Variants in SEZ6L observed in about 807,000 individuals in gnomAD.
The protein encoded by SEZ6L is seizure related 6 homolog like.
Under a neutral mutation model 106.2 loss-of-function variants are expected in SEZ6L, and 37 were observed. The ratio of observed to expected loss-of-function variants is 0.35; its 90% confidence interval spans 0.27 to 0.46. SEZ6L has a LOEUF of 0.46. Among genes scored for constraint, SEZ6L ranks in the 20% least tolerant of loss-of-function variants. SEZ6L has a pLI of 1.00. For synonymous variants in SEZ6L, 541 were observed against 570.4 expected (o/e 0.95, Z 0.73); for missense variants, 1,172 against 1,332.8 (o/e 0.88, Z 1.88).
chr22:26,312,606 A>G (rs1240904192), intron 8 of SEZ6L, among the ~76,000 whole-genome samples: 2 of 152,038 alleles, frequency 1.3e-5, no homozygotes, highest in African/African-American at 2.4e-5. Context: ...CAGTTTCCCC[A>G]TATTCTTTTT....
chr22:26,244,281 C>T (rs2079249306), intron 1 of SEZ6L: 1 of 152,176 alleles, frequency 6.6e-6, no homozygotes, highest in South Asian at 2.1e-4. Flanking sequence ...ATTTGAGAAG[C>T]CCTGAAATCA....
At chr22:26,354,994 GT>G (rs1405705885) in intron 12 of SEZ6L, among the ~76,000 whole-genome samples, 1 of 152,260 alleles carries the variant, frequency 6.6e-6, no homozygotes, top group Non-Finnish European at 1.5e-5. Flanking sequence ...GCGAGAGATG[GT>G]CCGATTCTGG....
In SEZ6L at chr22:26,244,711, T is replaced by A. The variant is rs190841714; in HGVS notation, c.95-47695T>A. On this transcript the variant is annotated intron_variant, in intron 1 of 16. Coordinates refer to ENST00000248933, the MANE Select transcript of SEZ6L (RefSeq NM_021115.5). The stretch of plus-strand genomic sequence containing the variant: ...AAGGCTATGTTGAGGGTAGGAAAAG[T>A]TGGCACTTTTTATTCCTCCCTTCTT... 2.8e-5 allele frequency: 4 copies of A among 142,768 alleles called. No individual in the cohort carries two copies. In the Admixed American group the frequency reaches 2.9e-4, roughly 10 times the overall value. 8.8% of individuals were successfully genotyped at this position (142,768 alleles called of 1,614,324 possible).
At chr22:26,191,892 T>A (rs1268260476) in intron 1 of SEZ6L, among the ~76,000 whole-genome samples, 6 of 152,182 alleles carry the variant, frequency 3.9e-5, no homozygotes, top group African/African-American at 1.4e-4. Context: ...TGATTGTGAC[T>A]AAATTTAAAT....
chr22:26,305,908 C>T (rs908915697), intron 5 of SEZ6L, 71 bp from the exon 6 acceptor site: 2 of 1,415,920 alleles, frequency 1.4e-6, no homozygotes, highest in African/African-American at 1.4e-5. Context: ...CTCTCTCTTT[C>T]TCTCTGTCTC....
At chr22:26,180,045 T>A (rs1939286540) in intron 1 of SEZ6L, among the ~76,000 whole-genome samples, 2 of 152,150 alleles carry the variant, frequency 1.3e-5, no homozygotes, top group African/African-American at 2.4e-5. Context: ...AGAGCACAAA[T>A]GATTTCTGCC....
Position 26,292,839 on chromosome 22 carries a change from C to T in SEZ6L, c.528C>T (p.Ser176=), listed in dbSNP as rs371054914. 1.4e-5 allele frequency: 23 copies of T among 1,613,938 alleles called. No homozygotes were observed. The African/African-American group carries it at 1.9e-4, about 13-fold the overall frequency. Residue 176 remains serine, a synonymous_variant, in exon 2 of 17, where the codon TCC becomes TCT. Coordinates refer to ENST00000248933, the MANE Select transcript of SEZ6L (RefSeq NM_021115.5). The part of the protein sequence containing the change: ...PPGDPDPIVA[S]EEASEVPLWL... ...GGGACCCGGACCCCATCGTGGCCTC[C>T]GAGGAGGCATCAGAAGTGCCCCTTT... is the stretch of plus-strand genomic sequence containing the variant.
At chr22:26,335,026 G>T (rs2082602584) in intron 9 of SEZ6L, among the ~76,000 whole-genome samples, 1 of 152,164 alleles carries the variant, frequency 6.6e-6, no homozygotes, top group South Asian at 2.1e-4. Flanking sequence ...ACCACACTCT[G>T]CCCTGTGGCT....
Position 26,346,340 on chromosome 22 carries a change from C to T in SEZ6L, c.2213-1379C>T, listed in dbSNP as rs549117850. Among the ~76,000 whole-genome samples the T allele has an allele frequency of 2.6e-5, 4 of 152,320 alleles. No individual in the cohort carries two copies. The East Asian group carries it at 7.7e-4, about 29-fold the overall frequency. On this transcript the variant is annotated intron_variant, in intron 10 of 16. Transcript: ENST00000248933. Reference sequence around the variant, plus strand: ...TATAGGCATGAGCCACTGTGCCCACCTTCTTTTTATTTTGATAGCTAATTA... The same window carrying T: ...TATAGGCATGAGCCACTGTGCCCACTTTCTTTTTATTTTGATAGCTAATTA...
intron 1 of SEZ6L, among the ~76,000 whole-genome samples, chr22:26,202,295 C>A (rs763229891): frequency 6.6e-6 from 1 of 152,110 alleles, no homozygotes; most frequent in Admixed American, 6.5e-5. Context: ...ATCTCTGAAT[C>A]GTGTAAAAGC....
At chr22:26,281,524 G>A (rs2080768405) in intron 1 of SEZ6L, among the ~76,000 whole-genome samples, 2 of 151,368 alleles carry the variant, frequency 1.3e-5, no homozygotes, top group Non-Finnish European at 2.9e-5. Flanking sequence ...ACAGGCGCCC[G>A]CCACCATGGC....
intron 1 of SEZ6L, among the ~76,000 whole-genome samples, chr22:26,187,280 T>C (rs143903071): frequency 6.6e-5 from 10 of 152,320 alleles, no homozygotes; most frequent in African/African-American, 2.4e-4. Context: ...TCTCAGGCCT[T>C]GTGAGAACTC....
chr22:26,335,549 G>A (rs2082619594), intron 9 of SEZ6L, among the ~76,000 whole-genome samples: 2 of 152,120 alleles, frequency 1.3e-5, no homozygotes, highest in Non-Finnish European at 2.9e-5. Flanking sequence ...GATATTAAAT[G>A]TGTGAAAGTC....
chr22:26,244,849 T>C (rs1418189484), intron 1 of SEZ6L, among the ~76,000 whole-genome samples: 1 of 152,116 alleles, frequency 6.6e-6, no homozygotes, highest in East Asian at 1.9e-4. Flanking sequence ...CACAGACTGA[T>C]GGGATTTCAG....
intron 1 of SEZ6L, among the ~76,000 whole-genome samples, chr22:26,210,173 C>T (rs941403028): frequency 6.6e-6 from 1 of 152,202 alleles, no homozygotes; most frequent in African/African-American, 2.4e-5. Flanking sequence ...GGCCCTCCCC[C>T]TGCCCTTCAG....
At chr22:26,243,812 C>T (rs2079222631) in intron 1 of SEZ6L, among the ~76,000 whole-genome samples, 1 of 151,934 alleles carries the variant, frequency 6.6e-6, no homozygotes, top group South Asian at 2.1e-4. Context: ...CCCATTAAGC[C>T]CCCAGAGAAG....
intron 10 of SEZ6L, among the ~76,000 whole-genome samples, chr22:26,347,011 T>C (rs1315317291): frequency 6.7e-6 from 1 of 149,576 alleles, no homozygotes; most frequent in African/African-American, 2.5e-5. Context: ...CCAGGCAACA[T>C]ACAAGAGCTC....
At position 26,310,828 on chromosome 22, in the gene SEZ6L, G is replaced by T. The variant is rs764504144; in HGVS notation, c.1673G>T (p.Arg558Leu). ...QARAASTFNI[R>L]FEAFEKGHCY... ...CGGGCGGCCTCCACCTTCAACATCC[G>T]ATTTGAAGGTGAGGGTCCCTGGGAG... Residue 558 changes from arginine to leucine, a missense_variant, in exon 7 of 17, where the codon CGA becomes CTA. Physicochemically the swap from Arg to Leu is moderately radical, Grantham distance 102. Coordinates refer to ENST00000248933, the MANE Select transcript of SEZ6L (RefSeq NM_021115.5). 1.2e-6 allele frequency: 2 copies of T among 1,613,776 alleles called. No homozygotes were observed. The highest frequency in any genetic ancestry group is 1.7e-6 in the Non-Finnish European group (2 of 1,179,922).
At chr22:26,231,402 T>A (rs1226007387) in intron 1 of SEZ6L, among the ~76,000 whole-genome samples, 1 of 152,188 alleles carries the variant, frequency 6.6e-6, no homozygotes, top group Admixed American at 6.5e-5. Context: ...GTCCTCAATT[T>A]GGTTCAGTGT....
Sources: allele counts gnomAD v4.1 joint callset (sites outside exome capture counted in the v4.1 genomes callset), GRCh38; gene constraint gnomAD v4.1.1; transcripts MANE v1.5; gene names NCBI Gene and HGNC (gene_info 2026-07-23, HGNC 2026-07-21).